Variants in KHDRBS2 observed in about 807,000 individuals in gnomAD.
The protein encoded by KHDRBS2 is KH domain-containing, RNA-binding, signal transduction-associated protein 2.
Under a neutral mutation model 44.3 loss-of-function variants are expected in KHDRBS2, and 26 were observed. The ratio of observed to expected loss-of-function variants is 0.59; its 90% confidence interval spans 0.43 to 0.81. KHDRBS2 has a LOEUF of 0.81. Among genes scored for constraint, KHDRBS2 ranks in the 40% least tolerant of loss-of-function variants. KHDRBS2 has a pLI of 0.00. For synonymous variants in KHDRBS2, 194 were observed against 151.1 expected (o/e 1.28, Z -2.08); for missense variants, 476 against 433.1 (o/e 1.10, Z -0.88).
chr6:61,649,209 G>A, the KHDRBS2 span, among the ~76,000 whole-genome samples: 5 of 152,086 alleles, frequency 3.3e-5, no homozygotes, highest in Admixed American at 6.6e-5. Flanking sequence ...TGGCATGGTG[G>A]GGAGTCTGTG....
intron 2 of KHDRBS2, among the ~76,000 whole-genome samples, chr6:62,049,042 G>A (rs774431267): frequency 2.6e-4 from 40 of 151,052 alleles, no homozygotes; most frequent in Non-Finnish European, 2.5e-4. Flanking sequence ...CATAGTTAAT[G>A]GTATAAAACT....
At chr6:61,545,931 CG>C in the KHDRBS2 span, among the ~76,000 whole-genome samples, 3 of 152,170 alleles carry the variant, frequency 2.0e-5, no homozygotes, top group South Asian at 6.2e-4. Flanking sequence ...ACCAGAAAGA[CG>C]CATCGCTATT....
At chr6:62,128,738 T>C (rs922773148) in intron 2 of KHDRBS2, among the ~76,000 whole-genome samples, 1 of 152,002 alleles carries the variant, frequency 6.6e-6, no homozygotes, top group Admixed American at 6.6e-5. Context: ...TAGATGTTTA[T>C]AAGCAGCACA....
chr6:61,623,775 C>T, the KHDRBS2 span, among the ~76,000 whole-genome samples: 1 of 152,278 alleles, frequency 6.6e-6, no homozygotes, highest in South Asian at 2.1e-4. Context: ...CTATGACCGA[C>T]TGAAGAAGGG....
chr6:62,098,560 G>A (rs982285506), intron 2 of KHDRBS2, among the ~76,000 whole-genome samples: 59 of 152,152 alleles, frequency 3.9e-4, no homozygotes, highest in African/African-American at 1.3e-3. Context: ...TTTCTCTTGT[G>A]GCTTTCAGAA....
At chr6:61,893,518 G>A (rs1802373659) in intron 6 of KHDRBS2, among the ~76,000 whole-genome samples, 1 of 152,166 alleles carries the variant, frequency 6.6e-6, no homozygotes, top group Non-Finnish European at 1.5e-5. Context: ...AACAATGATA[G>A]ACTGGATTAA....
intron 3 of KHDRBS2, among the ~76,000 whole-genome samples, chr6:61,987,463 G>C (rs1193836535): frequency 2.6e-5 from 4 of 152,084 alleles, no homozygotes; most frequent in Non-Finnish European, 5.9e-5. Context: ...TTTTACCTCA[G>C]AGTTATAATT....
At chr6:62,060,523 C>A (rs1791527122) in intron 2 of KHDRBS2, among the ~76,000 whole-genome samples, 1 of 151,066 alleles carries the variant, frequency 6.6e-6, no homozygotes, top group Non-Finnish European at 1.5e-5. Flanking sequence ...GATTCTAGGC[C>A]AAGATACCAA....
the KHDRBS2 span, among the ~76,000 whole-genome samples, chr6:61,566,913 A>T: frequency 6.6e-6 from 1 of 152,196 alleles, no homozygotes; most frequent in Non-Finnish European, 1.5e-5. Flanking sequence ...GTCAAGAAAG[A>T]CTTTCTTTAA....
the KHDRBS2 span, among the ~76,000 whole-genome samples, chr6:61,576,087 C>A: frequency 1.0e-5 from 1 of 96,858 alleles, no homozygotes; most frequent in Non-Finnish European, 2.4e-5. Context: ...CCACTTGTTC[C>A]CCCAAAACAA....
intron 1 of KHDRBS2, among the ~76,000 whole-genome samples, chr6:62,268,501 C>T (rs551476433): frequency 3.3e-5 from 5 of 152,160 alleles, no homozygotes; most frequent in Non-Finnish European, 7.4e-5. Context: ...GAGCTATCAT[C>T]GTGGATGCAG....
intron 1 of KHDRBS2, among the ~76,000 whole-genome samples, chr6:62,199,962 C>T (rs925987371): frequency 5.3e-5 from 8 of 152,096 alleles, no homozygotes; most frequent in African/African-American, 1.9e-4. Flanking sequence ...TTTGACAAGC[C>T]TGACAAAAAC....
chr6:62,015,033 C>A (rs1476880628), intron 3 of KHDRBS2, among the ~76,000 whole-genome samples: 1 of 152,058 alleles, frequency 6.6e-6, no homozygotes, highest in East Asian at 1.9e-4. Context: ...TTTATGAGGA[C>A]AAATCATAAT....
chr6:61,935,124 C>T (rs1408048193), intron 4 of KHDRBS2, among the ~76,000 whole-genome samples: 3 of 152,076 alleles, frequency 2.0e-5, no homozygotes, highest in Non-Finnish European at 4.4e-5. Context: ...CCTAATTTGT[C>T]GCTAAGGAAA....
intron 2 of KHDRBS2, among the ~76,000 whole-genome samples, chr6:62,166,240 T>C (rs1178084153): frequency 6.6e-6 from 1 of 152,042 alleles, no homozygotes; most frequent in Non-Finnish European, 1.5e-5. Context: ...ATATTTGGGC[T>C]GTTTTTATCT....
chr6:61,762,897 C>CT (rs1179551045), intron 6 of KHDRBS2, among the ~76,000 whole-genome samples: 29 of 151,092 alleles, frequency 1.9e-4, no homozygotes, highest in South Asian at 4.2e-4. Context: ...AAAGCCGTTG[C>CT]TTTTTTTTTG....
chr6:61,765,843 A>AT (rs1245621463), intron 6 of KHDRBS2, among the ~76,000 whole-genome samples: 1 of 152,100 alleles, frequency 6.6e-6, no homozygotes, highest in Non-Finnish European at 1.5e-5. Context: ...CTGAGTCATG[A>AT]TGAATGATCT....
At chr6:61,983,155 A>C (rs1304326295) in intron 3 of KHDRBS2, among the ~76,000 whole-genome samples, 1 of 149,880 alleles carries the variant, frequency 6.7e-6, no homozygotes, top group Non-Finnish European at 1.5e-5. Flanking sequence ...ATGTGCATCA[A>C]ATCAGATGTG....
chr6:61,559,353 G>T, the KHDRBS2 span, among the ~76,000 whole-genome samples: 2 of 146,590 alleles, frequency 1.4e-5, no homozygotes, highest in African/African-American at 5.0e-5. Context: ...TTGGGTTTGG[G>T]TTTTTTTTTT....
Sources: gnomAD v4.1 joint callset for allele counts (sites outside exome capture counted in the v4.1 genomes callset) on GRCh38, gnomAD v4.1.1 for gene constraint, MANE v1.5 for transcripts, NCBI Gene and HGNC (gene_info 2026-07-23, HGNC 2026-07-21) for gene names.